DNAH11: variants seen among roughly 807,000 people sequenced by gnomAD.
DNAH11 encodes the protein axonemal beta dynein heavy chain 11.
Under a neutral mutation model 526.0 loss-of-function variants are expected in DNAH11, and 442 were observed. That is an observed-to-expected ratio of 0.84 (90% CI 0.78 to 0.91). DNAH11 has a LOEUF of 0.91. Among genes scored for constraint, DNAH11 ranks in the 40% least tolerant of loss-of-function variants. DNAH11 has a pLI of 0.00. For missense variants in DNAH11, 6,989 were observed against 5,448.7 expected (o/e 1.28, Z -8.90); for synonymous variants, 2,461 against 1,935.9 (o/e 1.27, Z -7.12).
In DNAH11 at chr7:21,789,252, T is replaced by C. The variant is rs1340085223; in HGVS notation, c.9936T>C (p.Asp3312=). ...NIIKFYEVYC[D]VEPKRQALAQ... is the part of the protein sequence containing the mutation. ...TCATGAATTTTCAGGTCTACTGTGATGTGGAGCCAAAACGCCAAGCATTAG... is the reference window on the plus strand; with the variant it reads ...TCATGAATTTTCAGGTCTACTGTGACGTGGAGCCAAAACGCCAAGCATTAG... Residue 3312 remains aspartate, a synonymous_variant, in exon 61 of 82, where the codon GAT becomes GAC. Transcript: ENST00000409508. 5 of 1,570,424 alleles carry C rather than the reference T, an allele frequency of 3.2e-6. No individual in the cohort carries two copies. The highest frequency in any genetic ancestry group is 3.7e-5 in the Admixed American group (2 of 53,478).
chr7:21,639,878 TC>T (rs1787042437), intron 28 of DNAH11, among the ~76,000 whole-genome samples: 1 of 151,870 alleles, frequency 6.6e-6, no homozygotes, highest in South Asian at 2.1e-4. Context: ...GTTTTTTTTT[TC>T]TCAGAAAAAT....
chr7:21,798,147 A>T (rs1345401790), intron 61 of DNAH11, among the ~76,000 whole-genome samples: 1 of 152,208 alleles, frequency 6.6e-6, no homozygotes, highest in Non-Finnish European at 1.5e-5. Flanking sequence ...CCCAGGTTGG[A>T]GTGCAGTGGC....
rs1784277964 is a variant in DNAH11, at chr7:21,580,743, C to T, written c.1594-1162C>T. On this transcript the variant is annotated intron_variant, in intron 8 of 81. Coordinates refer to ENST00000409508, the MANE Select transcript of DNAH11 (RefSeq NM_001277115.2). ...TTCATGAAGGTCCCACACTTATTAC[C>T]TAGTCACCCCTGAAAGCACCACTTC... 2.6e-5 allele frequency among the ~76,000 whole-genome samples: 4 copies of T among 152,164 alleles called. No individual in the cohort carries two copies. The South Asian group carries it at 8.3e-4, about 32-fold the overall frequency.
At chr7:21,689,734 C>T (rs1418544337) in intron 34 of DNAH11, among the ~76,000 whole-genome samples, 2 of 152,172 alleles carry the variant, frequency 1.3e-5, no homozygotes, top group Non-Finnish European at 2.9e-5. Flanking sequence ...TCTAAAGCAC[C>T]CTTAGTCCTA....
Position 21,738,831 on chromosome 7 carries a change from C to A in DNAH11, c.7776C>A (p.His2592Gln), listed in dbSNP as rs1109806. 3 of 1,604,798 alleles carry A rather than the reference C, an allele frequency of 1.9e-6. No individual in the cohort carries two copies. Among genetic ancestry groups the A allele is most frequent in the Admixed American group, 3.4e-5 (2 of 59,020 alleles). Residue 2592 changes from histidine to glutamine, a missense_variant, in exon 47 of 82, where the codon CAC (histidine) becomes CAA (glutamine). Physicochemically the swap from His to Gln is conservative, Grantham distance 24. Coordinates refer to ENST00000409508, the MANE Select transcript of DNAH11 (RefSeq NM_001277115.2). ...ACTTATATGGCACCGTTCAGCCTCA[C>A]ACCCTGATCCGGCAGCATATTGATT... ...EVDLYGTVQP[H>Q]TLIRQHIDYG...
chr7:21,779,014 T>C lies in DNAH11; in HGVS notation c.9393T>C (p.Asn3131=), dbSNP rs1466813671. 3.1e-6 allele frequency: 5 copies of C among 1,613,342 alleles called. No individual in the cohort carries two copies. The change falls in exon 57 of 82, where the codon AAT becomes AAC. Residue 3131 remains asparagine, a synonymous_variant. Coordinates refer to ENST00000409508, the MANE Select transcript of DNAH11 (RefSeq NM_001277115.2). ...ASQEAELQLR[N]HDAEALITKI... ...AAGAAGCCGAGCTGCAACTGAGAAA[T>C]CATGATGCCGAAGCTCTGATCACAA...
intron 45 of DNAH11, among the ~76,000 whole-genome samples, chr7:21,726,935 C>CTT (rs1330445927): frequency 0.03 from 946 of 31,944 alleles, 280 homozygotes; most frequent in African/African-American, 0.13. Flanking sequence ...ATCCTCTTTT[C>CTT]TTTTTTTTTT....
Position 21,901,136 on chromosome 7 carries a change from G to A in DNAH11, c.13433G>A (p.Cys4478Tyr), listed in dbSNP as rs550518090. The change falls in exon 82 of 82, where the codon TGC becomes TAC. Residue 4478 changes from cysteine (C) to tyrosine (Y), a missense_variant. Cys to Tyr is a radical substitution (Grantham distance 194). Transcript: ENST00000409508. The part of the protein sequence containing the change: ...DRQETKQTYE[C>Y]PVYRTKLRGP... ...CAAGAAACCAAACAGACCTACGAGT[G>A]CCCTGTGTATAGAACCAAACTGAGA... is the stretch of plus-strand genomic sequence containing the variant. The A allele has an allele frequency of 1.2e-6, 2 of 1,613,294 alleles. No homozygotes were observed. The highest frequency in any genetic ancestry group is 1.7e-6 in the Non-Finnish European group (2 of 1,179,400).
intron 54 of DNAH11, among the ~76,000 whole-genome samples, chr7:21,759,957 G>A (rs10485976): frequency 0.067 from 10,139 of 152,254 alleles, 531 homozygotes; most frequent in East Asian, 0.28. Flanking sequence ...CAGGAAGTAC[G>A]TAGATGGTGA....
chr7:21,641,228 C>T (rs1258228380), intron 28 of DNAH11, among the ~76,000 whole-genome samples: 1 of 152,170 alleles, frequency 6.6e-6, no homozygotes, highest in African/African-American at 2.4e-5. Context: ...TTCTCCTATT[C>T]CTCTTCCTTG....
Position 21,738,820 on chromosome 7 carries a change from G to A in DNAH11, c.7765G>A (p.Val2589Ile), listed in dbSNP as rs145239537. The A allele has an allele frequency of 4.2e-4, 680 of 1,605,864 alleles. 3 individuals carry two copies. The African/African-American group carries it at 7.6e-3, about 18-fold the overall frequency. Residue 2589 changes from valine to isoleucine, a missense_variant, in exon 47 of 82, where the codon GTT becomes ATT. Transcript: ENST00000409508. ...GCCTGAAGTGGACTTATATGGCACCGTTCAGCCTCACACCCTGATCCGGCA... is the reference window on the plus strand; with the variant it reads ...GCCTGAAGTGGACTTATATGGCACCATTCAGCCTCACACCCTGATCCGGCA... ...NMPEVDLYGTVQPHTLIRQHI... is the reference protein window; with the variant it reads ...NMPEVDLYGTIQPHTLIRQHI...
intron 30 of DNAH11, among the ~76,000 whole-genome samples, chr7:21,678,391 T>A (rs1388086413): frequency 6.6e-6 from 1 of 152,198 alleles, no homozygotes; most frequent in African/African-American, 2.4e-5. Context: ...TTTAACTCTC[T>A]ATTCTGTTCC....
At chr7:21,686,768 C>T (rs901896671) in intron 32 of DNAH11, among the ~76,000 whole-genome samples, 2 of 152,046 alleles carry the variant, frequency 1.3e-5, no homozygotes, top group Admixed American at 6.6e-5. Flanking sequence ...ATGTTGTCTG[C>T]CATATTAATA....
At chr7:21,601,656 T>G in intron 18 of DNAH11, 38 bp downstream of exon 18, 2 of 1,431,236 alleles carry the variant, frequency 1.4e-6, no homozygotes, top group Non-Finnish European at 1.9e-6. Flanking sequence ...TTACCATAAA[T>G]TGAGCATCTC....
chr7:21,608,332 A>T (rs985408900), intron 20 of DNAH11, among the ~76,000 whole-genome samples: 1 of 152,234 alleles, frequency 6.6e-6, no homozygotes, highest in Non-Finnish European at 1.5e-5. Context: ...TTCTCTAGGA[A>T]CTTAACCTGG....
Position 21,750,279 on chromosome 7 carries a change from A to T in DNAH11, c.8855A>T (p.His2952Leu). 1 of 1,604,938 alleles carries T rather than the reference A, an allele frequency of 6.2e-7. No individual in the cohort carries two copies. Among genetic ancestry groups the T allele is most frequent in the South Asian group, 1.1e-5 (1 of 88,804 alleles). ...GTGGACAAGATAATTTCTGGAATTC[A>T]TAATGAAGTTCATGCTCTGGGCATG... Reference protein sequence around the residue: ...EDVDKIISGIHNEVHALGMVD... With the variant: ...EDVDKIISGILNEVHALGMVD... Residue 2952 changes from histidine to leucine, a missense_variant, in exon 54 of 82, where the codon CAT (histidine) becomes CTT (leucine). Physicochemically the swap from His to Leu is moderately conservative, Grantham distance 99 (BLOSUM62 -3). Transcript: ENST00000409508.
chr7:21,580,921 A>G (rs1784284651), intron 8 of DNAH11, among the ~76,000 whole-genome samples: 1 of 152,228 alleles, frequency 6.6e-6, no homozygotes, highest in African/African-American at 2.4e-5. Context: ...CCTGACATTT[A>G]CCAGTGGTGT....
intron 6 of DNAH11, among the ~76,000 whole-genome samples, chr7:21,566,760 T>C (rs1403272894): frequency 1.3e-5 from 2 of 152,186 alleles, no homozygotes; most frequent in Non-Finnish European, 2.9e-5. Context: ...TAACGATAAT[T>C]GTAAAATATT....
chr7:21,900,909 C>T, intron 81 of DNAH11, 98 bp from the exon 82 acceptor site: 1 of 1,475,370 alleles, frequency 6.8e-7, no homozygotes, highest in South Asian at 1.6e-5. Flanking sequence ...TATGACAAAA[C>T]CAGAATGTTG....
Sources: allele counts gnomAD v4.1 joint callset (sites outside exome capture counted in the v4.1 genomes callset), GRCh38; gene constraint gnomAD v4.1.1; transcripts MANE v1.5; gene names NCBI Gene and HGNC (gene_info 2026-07-23, HGNC 2026-07-21).